QSOX1: variants seen among roughly 807,000 people sequenced by gnomAD.
QSOX1 encodes the protein sulfhydryl oxidase 1.
In QSOX1, 40 loss-of-function variants were observed where a neutral mutation model predicts 76.1. The ratio of observed to expected loss-of-function variants is 0.53; its 90% CI spans 0.41 to 0.68. The LOEUF (loss-of-function observed/expected upper bound fraction) is 0.68. QSOX1 is among the 30% of genes least tolerant of loss of function. The pLI, the probability that QSOX1 is intolerant of heterozygous loss-of-function variation, is 0.00. For synonymous variants in QSOX1, 392 were observed against 413.1 expected (o/e 0.95, Z 0.62); for missense variants, 931 against 974.3 (o/e 0.96, Z 0.59).
intron 2 of QSOX1, among the ~76,000 whole-genome samples, chr1:180,170,173 C>T (rs532184173): frequency 1.5e-4 from 23 of 152,252 alleles, no homozygotes; most frequent in African/African-American, 4.1e-4. Flanking sequence ...TGTGAGGGTA[C>T]AGAGTCTGGG....
intron 8 of QSOX1, among the ~76,000 whole-genome samples, chr1:180,187,060 C>T (rs1318670446): frequency 6.6e-6 from 1 of 152,208 alleles, no homozygotes; most frequent in East Asian, 1.9e-4. Context: ...GATCTGAGCC[C>T]ACCCTCCTCA....
At chr1:180,158,745 C>T (rs1392491685) in intron 1 of QSOX1, among the ~76,000 whole-genome samples, 2 of 152,122 alleles carry the variant, frequency 1.3e-5, no homozygotes, top group Non-Finnish European at 2.9e-5. Context: ...GTCTGACTGG[C>T]TCTTGGTGGT....
In QSOX1 at chr1:180,198,552, A is replaced by G. The variant is rs1362376416; in HGVS notation, c.*1515A>G. The stretch of plus-strand genomic sequence containing the variant: ...ACTCTGCTCAGATGGCCTGGGTGCT[A>G]TGTGGAGCAGGTGGGATGCCAAGGC... On this transcript the variant is annotated 3_prime_UTR_variant, in exon 12 of 12. Coordinates refer to ENST00000367602, the MANE Select transcript of QSOX1 (RefSeq NM_002826.5). The G allele has an allele frequency of 1.1e-5, 4 of 377,466 alleles. No individual in the cohort carries two copies. The highest frequency in any genetic ancestry group is 7.4e-5 in the East Asian group (1 of 13,498). The allele number at this position is 377,466 out of a possible 1,614,324, so 23.4% of individuals were successfully genotyped here.
At chr1:180,165,202 T>C (rs1662586559) in intron 1 of QSOX1, among the ~76,000 whole-genome samples, 1 of 152,220 alleles carries the variant, frequency 6.6e-6, no homozygotes, top group African/African-American at 2.4e-5. Context: ...TATTCAGATA[T>C]TAGTGTTCTG....
At chr1:180,193,729 G>A (rs1028740973) in intron 10 of QSOX1, among the ~76,000 whole-genome samples, 11 of 152,022 alleles carry the variant, frequency 7.2e-5, no homozygotes, top group Admixed American at 1.3e-4. Context: ...AGGGGAGAGC[G>A]AGGAGAGATG....
At chr1:180,174,796 CAG>C (rs945584308) in intron 2 of QSOX1, among the ~76,000 whole-genome samples, 6 of 152,066 alleles carry the variant, frequency 3.9e-5, no homozygotes, top group South Asian at 4.1e-4. Flanking sequence ...GGGAGGGTAA[CAG>C]GGGAGGGAGC....
intron 4 of QSOX1, 112 bp from the exon 5 acceptor site, chr1:180,178,682 A>AGGGC (rs750959957): frequency 7.4e-5 from 66 of 895,324 alleles, no homozygotes; most frequent in Admixed American, 1.6e-4. Flanking sequence ...GAAGCGGAGG[A>AGGGC]GGGCGGGATG....
intron 1 of QSOX1, among the ~76,000 whole-genome samples, chr1:180,157,372 C>T (rs1662397570): frequency 6.6e-6 from 1 of 152,196 alleles, no homozygotes; most frequent in Non-Finnish European, 1.5e-5. Context: ...TGCTGAGAAG[C>T]TAGGGTTGGT....
At chr1:180,190,612 C>T in intron 10 of QSOX1, 32 bp downstream of exon 10, 3 of 1,598,710 alleles carry the variant, frequency 1.9e-6, no homozygotes, top group South Asian at 1.1e-5. Context: ...CCCACTGTGC[C>T]TCCAACCCTG....
chr1:180,189,453 G>T, intron 8 of QSOX1, 99 bp from the exon 9 acceptor site: 5 of 110,126 alleles, frequency 4.5e-5, no homozygotes, highest in South Asian at 1.9e-4. Context: ...CCCGCCCCCC[G>T]CCCCCCGCCT....
At chr1:180,175,843 CT>C in intron 3 of QSOX1, 87 bp from the exon 4 acceptor site, 1 of 1,075,228 alleles carries the variant, frequency 9.3e-7, no homozygotes, top group African/African-American at 1.6e-5. Context: ...GCCCTCGGCC[CT>C]TTGTTTCTGG....
rs754761140 is a variant in QSOX1 at position 180,183,954 on chromosome 1, A to G, written c.791A>G (p.Gln264Arg). 1.4e-5 allele frequency: 23 copies of G among 1,613,782 alleles called. No homozygotes were observed. In the East Asian group the frequency reaches 4.9e-4, roughly 34 times the overall value. The change falls in exon 7 of 12, where the codon CAG (glutamine) becomes CGG (arginine). Residue 264 changes from glutamine to arginine, a missense_variant. Coordinates refer to ENST00000367602, the MANE Select transcript of QSOX1 (RefSeq NM_002826.5). ...AGGTCCTTCTATACCGCTTACCTGC[A>G]GAGACTCTCTGGGCTCACCAGGGAG... The part of the protein sequence containing the change: ...ESRSFYTAYL[Q>R]RLSGLTREAA...
chr1:180,169,784 C>T (rs184000408), intron 2 of QSOX1, among the ~76,000 whole-genome samples: 185 of 152,340 alleles, frequency 1.2e-3, no homozygotes, highest in Non-Finnish European at 2.3e-3. Context: ...CCACTGCAGG[C>T]GTGGCCAGGA....
intron 1 of QSOX1, among the ~76,000 whole-genome samples, chr1:180,161,986 C>T (rs952838402): frequency 6.6e-5 from 10 of 152,106 alleles, no homozygotes; most frequent in Non-Finnish European, 1.0e-4. Context: ...TTTAGAAAAA[C>T]ATCAGAATAA....
At chr1:180,190,625 C>G (rs748731716) in intron 10 of QSOX1, 45 bp downstream of exon 10, 43 of 1,563,618 alleles carry the variant, frequency 2.8e-5, no homozygotes, top group Non-Finnish European at 3.5e-5. Flanking sequence ...CAACCCTGCT[C>G]TGTTCGGCCC....
chr1:180,185,927 C>G, intron 7 of QSOX1, 126 bp from the exon 8 acceptor site: 1 of 1,204,740 alleles, frequency 8.3e-7, no homozygotes, highest in Non-Finnish European at 1.2e-6. Flanking sequence ...CCAGTGGTAA[C>G]TTACAAGACT....
chr1:180,178,053 G>A (rs1320241994), intron 4 of QSOX1, among the ~76,000 whole-genome samples: 3 of 152,110 alleles, frequency 2.0e-5, no homozygotes, highest in Non-Finnish European at 4.4e-5. Flanking sequence ...CCCCTTGGTC[G>A]TGACTTGTCA....
Position 180,196,639 on chromosome 1 carries a change from G to C in QSOX1, c.1846G>C (p.Ala616Pro). 6.2e-7 allele frequency: 1 copy of C among 1,614,168 alleles called. No homozygotes were observed. Among genetic ancestry groups the C allele is most frequent in the Non-Finnish European group, 8.5e-7 (1 of 1,180,036 alleles). The change falls in exon 12 of 12, where the codon GCA (alanine) becomes CCA (proline). Residue 616 changes from alanine (A) to proline (P), a missense_variant. Physicochemically the swap from Ala to Pro is conservative, Grantham distance 27. Coordinates refer to ENST00000367602, the MANE Select transcript of QSOX1 (RefSeq NM_002826.5). The surrounding 1 kb of genome is among the most constrained non-coding windows in gnomAD (Gnocchi z 4.1). ...GAAGCTGCACCCTGGCCTCAGAGCT[G>C]CACCAGGCCAGGAGCCTCCTGAGCA... is the stretch of plus-strand genomic sequence containing the variant. The part of the protein sequence containing the change: ...PPKLHPGLRA[A>P]PGQEPPEHMA...
intron 2 of QSOX1, among the ~76,000 whole-genome samples, chr1:180,167,576 T>C (rs3753809): frequency 0.036 from 5,492 of 152,270 alleles, 182 homozygotes; most frequent in East Asian, 0.16. Flanking sequence ...CATCCAGCTC[T>C]AACTCCATGT....
Sources: allele counts gnomAD v4.1 joint callset (sites outside exome capture counted in the v4.1 genomes callset), GRCh38; gene constraint gnomAD v4.1.1; non-coding constraint Gnocchi (gnomAD v3.1); transcripts MANE v1.5; gene names NCBI Gene and HGNC (gene_info 2026-07-23, HGNC 2026-07-21).